Variants in TPTE2 observed in about 807,000 individuals in gnomAD.
TPTE2 encodes the protein transmembrane phosphoinositide 3-phosphatase and tensin homolog 2, also known as phosphatidylinositol 3,4,5-trisphosphate 3-phosphatase TPTE2.
TPTE2 carries 53 observed loss-of-function variants against 78.6 expected under a neutral mutation model. That is an observed-to-expected ratio of 0.67 (90% CI 0.54 to 0.85). The LOEUF (loss-of-function observed/expected upper bound fraction) is 0.85. Among genes scored for constraint, TPTE2 ranks in the 40% least tolerant of loss-of-function variants. The pLI is 0.00. For synonymous variants in TPTE2, 175 were observed against 206.2 expected (o/e 0.85, Z 1.30); for missense variants, 461 against 623.0 (o/e 0.74, Z 2.77).
chr13:19,547,758 A>T, the TPTE2 span, among the ~76,000 whole-genome samples: 1 of 93,848 alleles, frequency 1.1e-5, no homozygotes, highest in African/African-American at 3.1e-5. Flanking sequence ...GCAGGACAAT[A>T]TGTGTATAGT....
At chr13:19,422,940 C>T in exon 20 of TPTE2, 1 of 1,051,956 alleles carries the variant, frequency 9.5e-7, no homozygotes, top group South Asian at 1.7e-5. Flanking sequence ...AATATAGATG[C>T]ATCATCAAGG....
At chr13:19,475,222 ATTTTTTTTTCTTT>A (rs1426718860) in intron 5 of TPTE2, among the ~76,000 whole-genome samples, 1 of 149,942 alleles carries the variant, frequency 6.7e-6, no homozygotes, top group Admixed American at 6.7e-5. Flanking sequence ...AGACTCATAT[ATTTTTTTTTCTTT>A]TTTTTTTTTA....
At chr13:19,509,127 T>A (rs962612999) in intron 1 of TPTE2, among the ~76,000 whole-genome samples, 1 of 152,134 alleles carries the variant, frequency 6.6e-6, no homozygotes, top group African/African-American at 2.4e-5. Context: ...TAGGATACAA[T>A]GAAGCAATAT....
the TPTE2 span, chr13:19,560,473 G>A: frequency 3.8e-6 from 6 of 1,598,444 alleles, no homozygotes; most frequent in Non-Finnish European, 3.4e-6. Flanking sequence ...GGCCACACCC[G>A]GCACCAGCAC....
Position 19,486,956 on chromosome 13 carries a change from G to A in TPTE2, c.120-4409C>T, listed in dbSNP as rs982125049. Among the ~76,000 whole-genome samples, 2 of 152,146 alleles carry A rather than the reference G, an allele frequency of 1.3e-5. No homozygotes were observed. Among genetic ancestry groups the A allele is most frequent in the Non-Finnish European group, 2.9e-5 (2 of 68,030 alleles). ...ACGAGGCTGCTCGGCTGGCCTAGGG[G>A]CATGTCTTCTGGAAGTAGCCCATGG... On this transcript the variant is annotated intron_variant, in intron 3 of 19. Coordinates refer to ENST00000400230, the Ensembl canonical transcript of TPTE2. The surrounding 1 kb of genome is among the most constrained non-coding windows in gnomAD (Gnocchi z 4.3).
intron 1 of TPTE2, among the ~76,000 whole-genome samples, chr13:19,510,879 TA>T (rs1869386285): frequency 1.3e-5 from 2 of 152,148 alleles, no homozygotes; most frequent in African/African-American, 4.8e-5. Flanking sequence ...CTCAAATTCA[TA>T]AGTTATCACA....
At chr13:19,533,582 G>A (rs780236017) in intron 1 of TPTE2, among the ~76,000 whole-genome samples, 5 of 152,172 alleles carry the variant, frequency 3.3e-5, no homozygotes, top group Non-Finnish European at 5.9e-5. Context: ...ACAAGCATGT[G>A]GAAAGAGACG....
At chr13:19,424,833 T>C in intron 19 of TPTE2, 114 bp downstream of exon 22, 1 of 693,482 alleles carries the variant, frequency 1.4e-6, no homozygotes, top group Non-Finnish European at 2.4e-6. Flanking sequence ...GGCTCAGGGA[T>C]TTTTTGCTTT....
At chr13:19,460,335 G>C (rs1878808679) in intron 10 of TPTE2, among the ~76,000 whole-genome samples, 1 of 152,314 alleles carries the variant, frequency 6.6e-6, no homozygotes, top group Non-Finnish European at 1.5e-5. Flanking sequence ...CCCCCGGCTG[G>C]GCCATCGCAC....
Position 19,464,324 on chromosome 13 carries a change from T to A in TPTE2, c.741+132A>T, listed in dbSNP as rs546451930. 1.6e-4 allele frequency: 152 copies of A among 939,956 alleles called. No individual in the cohort carries two copies. In the African/African-American group the frequency reaches 2.4e-3, roughly 15 times the overall value. The allele number at this position is 939,956 out of a possible 1,614,324, so 58.2% of individuals were successfully genotyped here. A position where few individuals can be genotyped will look rare whatever the true frequency, so the allele number is the denominator to read the frequency against. ...CTGGCACAATTGTAACTGGTATCAA[T>A]CCATTATGATTTTTTTACTTGAAAG... On this transcript the variant is annotated intron_variant, in intron 10 of 19. Transcript: ENST00000400230.
At chr13:19,514,297 T>TA (rs1338514737) in intron 1 of TPTE2, among the ~76,000 whole-genome samples, 3 of 152,180 alleles carry the variant, frequency 2.0e-5, no homozygotes, top group Admixed American at 1.3e-4. Context: ...CAAAGATGCT[T>TA]AAAGTCTCTG....
chr13:19,442,728 G>A (rs1037922833), intron 13 of TPTE2, among the ~76,000 whole-genome samples: 1 of 152,090 alleles, frequency 6.6e-6, no homozygotes, highest in Non-Finnish European at 1.5e-5. Flanking sequence ...ATAAAAAAGG[G>A]AACATCTCTG....
At chr13:19,461,172 C>T (rs1327676808) in intron 10 of TPTE2, among the ~76,000 whole-genome samples, 4 of 152,040 alleles carry the variant, frequency 2.6e-5, no homozygotes, top group South Asian at 2.1e-4. Flanking sequence ...TCTGCCGTCA[C>T]GTGAACAGGC....
intron 1 of TPTE2, among the ~76,000 whole-genome samples, chr13:19,528,573 G>A (rs1870667947): frequency 6.6e-6 from 1 of 152,166 alleles, no homozygotes; most frequent in Non-Finnish European, 1.5e-5. Context: ...AACAGGTATA[G>A]ACAAGACTGT....
chr13:19,504,742 T>C (rs1362115462), upstream of TPTE2, among the ~76,000 whole-genome samples: 4 of 152,034 alleles, frequency 2.6e-5, no homozygotes, highest in Non-Finnish European at 4.4e-5. Context: ...AGTGAGGAGA[T>C]TTATAAATGG....
Position 19,427,079 on chromosome 13 carries a change from C to CTTTT in TPTE2, c.1303-566_1303-563dup, listed in dbSNP as rs55904352. Among the ~76,000 whole-genome samples, 233 of 67,310 alleles carry CTTTT rather than the reference C, an allele frequency of 3.5e-3. 6 individuals are homozygous for CTTTT. The highest frequency in any genetic ancestry group is 3.8e-3 in the Non-Finnish European group (143 of 37,836). 44.2% of individuals were successfully genotyped at this position (67,310 alleles called of 152,430 possible). ...CTTTTCTTTTTTTTTCTTTTCTTTT[C>CTTTT]TTTTTTTTTTTTTTTTTTTTTTTGA... On this transcript the variant is annotated intron_variant, in intron 17 of 19. Transcript: ENST00000400230.
At chr13:19,469,604 T>C (rs1173589887) in intron 6 of TPTE2, among the ~76,000 whole-genome samples, 2 of 152,208 alleles carry the variant, frequency 1.3e-5, no homozygotes, top group African/African-American at 4.8e-5. Context: ...AATCTGTAAA[T>C]TGCTTTGGAT....
chr13:19,500,728 T>C (rs1433528806), intron 1 of TPTE2, among the ~76,000 whole-genome samples: 1 of 150,262 alleles, frequency 6.7e-6, no homozygotes, highest in Non-Finnish European at 1.5e-5. Context: ...GCATTCCCTT[T>C]GAAAACTGGC....
chr13:19,517,556 A>T (rs2137711210), intron 1 of TPTE2, among the ~76,000 whole-genome samples: 1 of 152,280 alleles, frequency 6.6e-6, no homozygotes, highest in East Asian at 1.9e-4. Flanking sequence ...CCAAAACTTT[A>T]CATGATTTTA....
Sources: allele counts gnomAD v4.1 joint callset (sites outside exome capture counted in the v4.1 genomes callset), GRCh38; gene constraint gnomAD v4.1.1; non-coding constraint Gnocchi (gnomAD v3.1); transcripts MANE v1.5; gene names NCBI Gene and HGNC (gene_info 2026-07-23, HGNC 2026-07-21).